ZNF91: variants seen among roughly 807,000 people sequenced by gnomAD.
ZNF91 encodes zinc finger protein 91 (HPF7, HTF10).
ZNF91 carries 7 observed loss-of-function variants against 12.6 expected under a neutral mutation model. That is an observed-to-expected ratio of 0.55 (90% CI 0.31 to 1.04). The LOEUF (loss-of-function observed/expected upper bound fraction) is 1.04, where lower values mean the gene tolerates loss of function less well. Ranked by LOEUF, ZNF91 falls within the 50% of genes least tolerant of loss-of-function variation. ZNF91 has a pLI of 0.05. For missense variants in ZNF91, 1,217 were observed against 1,385.4 expected (o/e 0.88, Z 1.93); for synonymous variants, 453 against 462.6 (o/e 0.98, Z 0.27).
chr19:23,329,912 C>T (rs923852706), intron 1 of ZNF91, among the ~76,000 whole-genome samples: 3 of 152,172 alleles, frequency 2.0e-5, no homozygotes, highest in South Asian at 4.1e-4. Flanking sequence ...AACTACTCAG[C>T]GAGTGACCAT....
chr19:23,336,611 T>C (rs1968012554), downstream of ZNF91, among the ~76,000 whole-genome samples: 4 of 152,322 alleles, frequency 2.6e-5, 1 homozygote, highest in South Asian at 6.2e-4. Flanking sequence ...CAGGCATTTA[T>C]TCATGCAAGC....
chr19:23,360,041 T>C lies in ZNF91; in HGVS notation c.2938A>G (p.Thr980Ala), dbSNP rs1361516135. Residue 980 changes from threonine to alanine, a missense_variant, in exon 4 of 4, where the codon ACT (threonine) becomes GCT (alanine). Coordinates refer to ENST00000300619, the MANE Select transcript of ZNF91 (RefSeq NM_003430.4). ...ECGKAFRKSS[T>A]LTEHKIIHTG... ...TGAATTATCTTATGTTCAGTAAGAG[T>C]TGAAGATTTCCTAAAAGCTTTGCCA... The C allele has an allele frequency of 1.2e-6, 2 of 1,612,982 alleles. No homozygotes were observed. Among genetic ancestry groups the C allele is most frequent in the Admixed American group, 1.7e-5 (1 of 60,002 alleles).
chr19:23,333,406 C>T (rs933138828), intron 1 of ZNF91, among the ~76,000 whole-genome samples: 3 of 152,202 alleles, frequency 2.0e-5, no homozygotes, highest in African/African-American at 7.2e-5. Flanking sequence ...GGCTTGACTA[C>T]TCATCTAATC....
In ZNF91 at chr19:23,359,632, T is replaced by C. The variant is rs1432076401; in HGVS notation, c.3347A>G (p.Lys1116Arg). The C allele has an allele frequency of 6.2e-6, 10 of 1,612,944 alleles. No individual in the cohort carries two copies. Among genetic ancestry groups the C allele is most frequent in the African/African-American group, 1.3e-5 (1 of 74,794 alleles). ...ATGTTTAGTAAGAGCTGAGGACTCT[T>C]TAAAGGCTTTGCCACATTCTCCACA... is the stretch of plus-strand genomic sequence containing the variant. Reference protein sequence around the residue: ...YKCGECGKAFKESSALTKHKI... With the variant: ...YKCGECGKAFRESSALTKHKI... The change falls in exon 4 of 4, where the codon AAA becomes AGA. Residue 1116 changes from lysine to arginine, a missense_variant. Physicochemically the swap from Lys to Arg is conservative, Grantham distance 26. Around this residue, in one of 2 missense-constraint regions of ZNF91, gnomAD observed 491 missense variants for 489.8 expected, o/e 1.00. Transcript: ENST00000300619.
intron 3 of ZNF91, among the ~76,000 whole-genome samples, chr19:23,371,753 T>C (rs1343833312): frequency 6.6e-6 from 1 of 152,192 alleles, no homozygotes; most frequent in South Asian, 2.1e-4. Context: ...CACTTTAAAT[T>C]ACTGGTATCT....
chr19:23,370,781 C>G (rs1969245590), intron 3 of ZNF91, among the ~76,000 whole-genome samples: 8 of 152,098 alleles, frequency 5.3e-5, no homozygotes, highest in Admixed American at 5.2e-4. Context: ...CCTGGTCTTA[C>G]AGAAGTGAGC....
intron 1 of ZNF91, among the ~76,000 whole-genome samples, chr19:23,382,099 A>T (rs1313537573): frequency 4.0e-5 from 6 of 150,840 alleles, no homozygotes; most frequent in Non-Finnish European, 3.0e-5. Flanking sequence ...CTGTTATTTG[A>T]TTTATATATA....
At chr19:23,356,442 A>G (rs1968488364), downstream of ZNF91, among the ~76,000 whole-genome samples, 1 of 152,132 alleles carries the variant, frequency 6.6e-6, no homozygotes, top group Non-Finnish European at 1.5e-5. Context: ...AATTAACAGC[A>G]TTTGCAATGT....
rs1466124070 is a variant in ZNF91, at chr19:23,385,070, C to G, written c.30+10255G>C. On this transcript the variant is annotated intron_variant, in intron 1 of 3. Transcript: ENST00000300619. Reference sequence around the variant, plus strand: ...GGCTCCAGCGGTTCCGCATCTCAGTCCAGACAGGGCAGGGACAGCCACTCC... The same window carrying G: ...GGCTCCAGCGGTTCCGCATCTCAGTGCAGACAGGGCAGGGACAGCCACTCC... The G allele has an allele frequency of 1.2e-5, 12 of 1,034,774 alleles. No individual in the cohort carries two copies. In the East Asian group the frequency reaches 2.8e-4, roughly 24 times the overall value. The allele number at this position is 1,034,774 out of a possible 1,614,324, so 64.1% of individuals were successfully genotyped here.
chr19:23,340,853 T>G (rs1968109322), intron 3 of ZNF91, among the ~76,000 whole-genome samples: 1 of 151,254 alleles, frequency 6.6e-6, no homozygotes, highest in Admixed American at 6.6e-5. Context: ...AAGAAAATAT[T>G]TGCAAACTAC....
chr19:23,323,468 C>T (rs1262900767), intron 1 of ZNF91, among the ~76,000 whole-genome samples: 6 of 125,114 alleles, frequency 4.8e-5, no homozygotes, highest in Admixed American at 4.5e-4. Context: ...CTTCTCTGTC[C>T]TCTTCTCCTC....
intron 1 of ZNF91, among the ~76,000 whole-genome samples, chr19:23,320,949 T>C (rs1193152480): frequency 6.6e-6 from 1 of 152,190 alleles, no homozygotes; most frequent in East Asian, 1.9e-4. Context: ...AACCATAATT[T>C]AGCACACGTG....
chr19:23,373,372 ATATATATAT>A (rs1969366975), intron 3 of ZNF91, among the ~76,000 whole-genome samples: 2 of 88,510 alleles, frequency 2.3e-5, no homozygotes, highest in African/African-American at 8.1e-5. Context: ...ATATATATAT[ATATATATAT>A]ATATAAATAA....
chr19:23,382,739 C>T (rs1272270126), intron 1 of ZNF91, among the ~76,000 whole-genome samples: 1 of 151,920 alleles, frequency 6.6e-6, no homozygotes, highest in East Asian at 1.9e-4. Flanking sequence ...TCTGTGCACA[C>T]AAACAAGAAA....
intron 1 of ZNF91, chr19:23,323,918 TTTCTC>T (rs1363613200): frequency 3.4e-5 from 5 of 146,910 alleles, no homozygotes; most frequent in African/African-American, 1.3e-4. Flanking sequence ...ACTCCTTTCT[TTTCTC>T]CTCCTCCTTC....
intron 1 of ZNF91, among the ~76,000 whole-genome samples, chr19:23,394,375 A>T (rs990800328): frequency 5.3e-5 from 8 of 152,220 alleles, no homozygotes; most frequent in African/African-American, 1.7e-4. Context: ...GGCTTAAGCA[A>T]CTATAAACTG....
In ZNF91 at chr19:23,359,909, A is replaced by G. The variant is rs1222136927; in HGVS notation, c.3070T>C (p.Cys1024Arg). Residue 1024 changes from cysteine (C) to arginine (R), a missense_variant, in exon 4 of 4, where the codon TGT (cysteine) becomes CGT (arginine). Physicochemically the swap from Cys to Arg is radical, Grantham distance 180. This residue lies in a region of ZNF91 where 491 missense variants were observed against 489.8 expected (regional missense o/e 1.00). Coordinates refer to ENST00000300619, the MANE Select transcript of ZNF91 (RefSeq NM_003430.4). The stretch of plus-strand genomic sequence containing the variant: ...TTAAAAGCTTTGCCACATTCTTCAC[A>G]TTTGTATGGTTTCTCTCCAGTGTGC... Reference protein sequence around the residue: ...RMHTGEKPYKCEECGKAFNRS... With the variant: ...RMHTGEKPYKREECGKAFNRS... The G allele has an allele frequency of 3.2e-6, 5 of 1,584,286 alleles. No individual in the cohort carries two copies. Among genetic ancestry groups the G allele is most frequent in the Admixed American group, 1.7e-5 (1 of 58,722 alleles).
At chr19:23,354,920 T>C (rs894667245), downstream of ZNF91, among the ~76,000 whole-genome samples, 1 of 152,166 alleles carries the variant, frequency 6.6e-6, no homozygotes, top group African/African-American at 2.4e-5. Flanking sequence ...TCGAAAGACC[T>C]GTACAAGGAA....
At chr19:23,330,773 C>T (rs1477094402) in intron 1 of ZNF91, among the ~76,000 whole-genome samples, 4 of 152,200 alleles carry the variant, frequency 2.6e-5, no homozygotes, top group African/African-American at 9.7e-5. Context: ...GGGAAGAATA[C>T]TTCTAAAGCT....
Sources: gnomAD v4.1 joint callset for allele counts (sites outside exome capture counted in the v4.1 genomes callset) on GRCh38, gnomAD v4.1.1 for gene constraint, gnomAD v4.1.1 regional missense constraint, MANE v1.5 for transcripts, NCBI Gene and HGNC (gene_info 2026-07-23, HGNC 2026-07-21) for gene names.